The following CDR2L variants were observed in gnomAD, a reference collection of about 807,000 sequenced individuals.
The protein encoded by CDR2L is cerebellar degeneration related protein 2 like, also known as cerebellar degeneration-related protein 2-like.
A neutral mutation model predicts 36.1 loss-of-function variants in CDR2L; 19 were observed. The ratio of observed to expected loss-of-function variants is 0.53; its 90% confidence interval spans 0.37 to 0.77. The LOEUF is 0.77. Among genes scored for constraint, CDR2L ranks in the 30% least tolerant of loss-of-function variants. The pLI is 0.00. For missense variants in CDR2L, 575 were observed against 627.2 expected, an observed-to-expected ratio of 0.92 and a Z score of 0.89; for synonymous variants, 285 against 280.4, an observed-to-expected ratio of 1.02 and a Z score of -0.16.
Position 75,004,176 on chromosome 17 carries a change from A to G in CDR2L, c.*102A>G. On this transcript the variant is annotated 3_prime_UTR_variant, in exon 5 of 5. Coordinates refer to ENST00000337231, the MANE Select transcript of CDR2L (RefSeq NM_014603.3). ...AGCGAGCGCCCTTTAGCGGCCTGCC[A>G]CCACAGCACGCGGCCTCCTGATCCG... is the stretch of plus-strand genomic sequence containing the variant. The G allele has an allele frequency of 9.8e-7, 1 of 1,016,984 alleles. No individual in the cohort carries two copies. Among genetic ancestry groups the G allele is most frequent in the East Asian group, 2.6e-5 (1 of 38,064 alleles). 63.0% of individuals were successfully genotyped at this position (1,016,984 alleles called of 1,614,324 possible).
chr17:74,995,989 A>G (rs1157762436), intron 1 of CDR2L, among the ~76,000 whole-genome samples: 1 of 150,980 alleles, frequency 6.6e-6, no homozygotes, highest in African/African-American at 2.5e-5. Context: ...AGCTGCCTAA[A>G]TCTTTTTTTT....
chr17:74,991,484 G>A (rs540828055), intron 1 of CDR2L, among the ~76,000 whole-genome samples: 6 of 150,144 alleles, frequency 4.0e-5, no homozygotes, highest in East Asian at 2.0e-4. Flanking sequence ...TTGGGAGGCC[G>A]AGGCGGATGG....
At chr17:74,998,473 A>C (rs1405311815) in intron 1 of CDR2L, among the ~76,000 whole-genome samples, 1 of 151,850 alleles carries the variant, frequency 6.6e-6, no homozygotes, top group Non-Finnish European at 1.5e-5. Flanking sequence ...ACATATGATC[A>C]CACCTGTGAA....
At position 74,988,022 on chromosome 17, in the gene CDR2L, C is replaced by G; in HGVS notation, c.-22C>G. 6.7e-7 allele frequency: 1 copy of G among 1,501,298 alleles called. No homozygotes were observed. Among genetic ancestry groups the G allele is most frequent in the Non-Finnish European group, 8.9e-7 (1 of 1,124,328 alleles). The allele number at this position is 1,501,298 out of a possible 1,614,324, so 93.0% of individuals were successfully genotyped here. A position where few individuals can be genotyped will look rare whatever the true frequency, so the allele number is the denominator to read the frequency against. On this transcript the variant is annotated 5_prime_UTR_variant, in exon 1 of 5. Coordinates refer to ENST00000337231, the MANE Select transcript of CDR2L (RefSeq NM_014603.3). Reference sequence around the variant, plus strand: ...GGCCCTGAGCTGCGCCGCCGCAGCACCCGCCCGCCGCCCGCGGGGCCATGC... The same window carrying G: ...GGCCCTGAGCTGCGCCGCCGCAGCAGCCGCCCGCCGCCCGCGGGGCCATGC...
At chr17:74,991,599 C>G (rs1598651703) in intron 1 of CDR2L, among the ~76,000 whole-genome samples, 1 of 151,774 alleles carries the variant, frequency 6.6e-6, no homozygotes, top group East Asian at 2.0e-4. Context: ...CGCCTGTAGT[C>G]CCAGCTACTC....
In CDR2L at chr17:75,002,048, ACCACCCCG is replaced by A. The variant is rs1567975640; in HGVS notation, c.342-13_342-6del. On this transcript the variant is annotated splice_polypyrimidine_tract_variant and splice_region_variant and intron_variant, in intron 3 of 4. Transcript: ENST00000337231. This position sits in a 1 kb window ranked among gnomAD's most constrained non-coding sequence, Gnocchi z 4.1. ...ATCCCCTTAAAGTCCCTGTGTGTCC[ACCACCCCG>A]CCCCCAGGCTGACGGAGACCATTGA... The A allele has an allele frequency of 1.3e-6, 2 of 1,553,466 alleles. No homozygotes were observed. The highest frequency in any genetic ancestry group is 1.7e-6 in the Non-Finnish European group (2 of 1,155,312).
intron 1 of CDR2L, among the ~76,000 whole-genome samples, chr17:74,997,080 C>T (rs201565824): frequency 0.38 from 3,307 of 8,700 alleles, 343 homozygotes; most frequent in Non-Finnish European, 0.51. Context: ...TTCTTTCTTT[C>T]TTTCTTTTTT....
At chr17:74,995,488 TTTG>T (rs1288379861) in intron 1 of CDR2L, among the ~76,000 whole-genome samples, 4 of 147,990 alleles carry the variant, frequency 2.7e-5, no homozygotes, top group African/African-American at 7.5e-5. Context: ...AAATCACCAG[TTTG>T]TTGTTGTTGT....
rs980528893 is a variant in CDR2L at position 75,005,394 on chromosome 17, G to A, written c.*1320G>A. The A allele has an allele frequency of 1.3e-5, 2 of 152,792 alleles. No individual in the cohort carries two copies. The highest frequency in any genetic ancestry group is 4.8e-5 in the African/African-American group (2 of 41,450). The allele number at this position is 152,792 out of a possible 1,614,324, so 9.5% of individuals were successfully genotyped here. A position where few individuals can be genotyped will look rare whatever the true frequency, so the allele number is the denominator to read the frequency against. Reference sequence around the variant, plus strand: ...AGAAGAGCCATACAGTCAGTGGAAGGCGGGGGGGCCCTGGCCTCTGCACCG... The same window carrying A: ...AGAAGAGCCATACAGTCAGTGGAAGACGGGGGGGCCCTGGCCTCTGCACCG... On this transcript the variant is annotated 3_prime_UTR_variant, in exon 5 of 5. Coordinates refer to ENST00000337231, the MANE Select transcript of CDR2L (RefSeq NM_014603.3). The surrounding 1 kb of genome is among the most constrained non-coding windows in gnomAD (Gnocchi z 4.2).
intron 2 of CDR2L, among the ~76,000 whole-genome samples, chr17:75,000,895 G>A (rs2039862158): frequency 6.6e-6 from 1 of 151,478 alleles, no homozygotes; most frequent in South Asian, 2.1e-4. Context: ...TCCAGCCTGG[G>A]CGAGAGAGCA....
rs2039872583 is a variant in CDR2L, at chr17:75,002,344, G to C, written c.506+116G>C. 1.1e-6 allele frequency: 1 copy of C among 890,512 alleles called. No homozygotes were observed. The highest frequency in any genetic ancestry group is 2.8e-5 in the Admixed American group (1 of 35,506). 55.2% of individuals were successfully genotyped at this position (890,512 alleles called of 1,614,324 possible). The stretch of plus-strand genomic sequence containing the variant: ...CCAGGCCATCAGAGAGACTGGTCCT[G>C]TTGCTAATGACAGTCACAGCAGCTG... On this transcript the variant is annotated intron_variant, in intron 4 of 4. Coordinates refer to ENST00000337231, the MANE Select transcript of CDR2L (RefSeq NM_014603.3). This position sits in a 1 kb window ranked among gnomAD's most constrained non-coding sequence, Gnocchi z 4.1.
chr17:75,002,719 G>T lies in CDR2L; in HGVS notation c.507-464G>T, dbSNP rs970115456. 3.3e-5 allele frequency among the ~76,000 whole-genome samples: 5 copies of T among 152,176 alleles called. No homozygotes were observed. The highest frequency in any genetic ancestry group is 7.3e-5 in the Non-Finnish European group (5 of 68,028). ...TTAAATGAAGAAGAGGTGTGGGCAG[G>T]GGGTAGGGAAACCACAGGGACACTA... On this transcript the variant is annotated intron_variant, in intron 4 of 4. Transcript: ENST00000337231. The surrounding 1 kb of genome is among the most constrained non-coding windows in gnomAD (Gnocchi z 4.1).
At chr17:75,003,159 G>A (rs1363066228) in intron 4 of CDR2L, 24 bp from the exon 5 acceptor site, 1 of 1,552,006 alleles carries the variant, frequency 6.4e-7, no homozygotes, top group Non-Finnish European at 8.7e-7. Context: ...CCCCCACCCC[G>A]CTGCGACTCT....
intron 1 of CDR2L, among the ~76,000 whole-genome samples, chr17:74,994,144 G>A (rs1054278962): frequency 6.6e-6 from 1 of 152,140 alleles, no homozygotes; most frequent in African/African-American, 2.4e-5. Flanking sequence ...TTATTTCTCA[G>A]GCCTCTGTCC....
Position 75,002,122 on chromosome 17 carries a change from G to A in CDR2L, c.400G>A (p.Glu134Lys), listed in dbSNP as rs1053973689. 1 of 1,602,308 alleles carries A rather than the reference G, an allele frequency of 6.2e-7. No individual in the cohort carries two copies. Among genetic ancestry groups the A allele is most frequent in the African/African-American group, 1.3e-5 (1 of 74,688 alleles). Residue 134 changes from glutamate (E) to lysine (K), a missense_variant, in exon 4 of 5, where the codon GAG becomes AAG. By Grantham distance (56) the Glu-to-Lys change is moderately conservative (BLOSUM62 1). Coordinates refer to ENST00000337231, the MANE Select transcript of CDR2L (RefSeq NM_014603.3). This position sits in a 1 kb window ranked among gnomAD's most constrained non-coding sequence, Gnocchi z 4.1. ...GGTGGAGGAGCTGCAGGCCCAGGTG[G>A]AGCAACTGAGAGGCCTGGAACAGCT... ...AQVEELQAQV[E>K]QLRGLEQLRV... is the part of the protein sequence containing the mutation.
rs556836053 is a variant in CDR2L, at chr17:75,003,652, G to A, written c.976G>A (p.Val326Met). The change falls in exon 5 of 5, where the codon GTG becomes ATG. Residue 326 changes from valine (V) to methionine (M), a missense_variant. Coordinates refer to ENST00000337231, the MANE Select transcript of CDR2L (RefSeq NM_014603.3). ...SCSDTALNAI[V>M]AKDPASRHAG... ...CAGCGACACTGCGCTCAACGCCATC[G>A]TGGCCAAAGACCCAGCCAGCCGGCA... 2 of 1,459,166 alleles carry A rather than the reference G, an allele frequency of 1.4e-6. No individual in the cohort carries two copies. The highest frequency in any genetic ancestry group is 2.1e-4 in the Middle Eastern group (1 of 4,736). The allele number at this position is 1,459,166 out of a possible 1,614,324, so 90.4% of individuals were successfully genotyped here.
intron 1 of CDR2L, among the ~76,000 whole-genome samples, chr17:74,996,393 G>A (rs533090150): frequency 3.1e-4 from 44 of 143,370 alleles, no homozygotes; most frequent in Non-Finnish European, 4.0e-4. Flanking sequence ...GCAGTGAGCC[G>A]AGATTGCCCC....
intron 1 of CDR2L, among the ~76,000 whole-genome samples, chr17:74,998,302 A>G (rs2039843268): frequency 6.6e-6 from 1 of 151,940 alleles, no homozygotes; most frequent in South Asian, 2.1e-4. Context: ...AGGCATGATC[A>G]TATACACTGT....
intron 1 of CDR2L, among the ~76,000 whole-genome samples, chr17:74,998,217 C>T (rs892030544): frequency 3.3e-5 from 5 of 151,730 alleles, no homozygotes; most frequent in Non-Finnish European, 5.9e-5. Flanking sequence ...AAGAGCAAAA[C>T]TCCGTCTCAA....
Sources: allele counts gnomAD v4.1 joint callset (sites outside exome capture counted in the v4.1 genomes callset), GRCh38; gene constraint gnomAD v4.1.1; non-coding constraint Gnocchi (gnomAD v3.1); transcripts MANE v1.5; gene names NCBI Gene and HGNC (gene_info 2026-07-23, HGNC 2026-07-21).